The following EPHA5 variants were observed in gnomAD, a reference collection of about 807,000 sequenced individuals.
The protein encoded by EPHA5 is EPH receptor A5.
Under a neutral mutation model 105.0 loss-of-function variants are expected in EPHA5, and 60 were observed. That is an observed-to-expected ratio of 0.57 (90% CI 0.46 to 0.71). EPHA5 has a LOEUF of 0.71. Ranked by LOEUF, EPHA5 falls within the 30% of genes least tolerant of loss-of-function variation. EPHA5 has a pLI of 0.00. For synonymous variants in EPHA5, 513 were observed against 449.1 expected, an observed-to-expected ratio of 1.14 and a Z score of -1.80; for missense variants, 1,218 against 1,274.7, an observed-to-expected ratio of 0.96 and a Z score of 0.68.
chr4:65,353,131 T>C, intron 11 of EPHA5, 28 bp from the exon 12 acceptor site: 3 of 1,440,684 alleles, frequency 2.1e-6, no homozygotes, highest in Non-Finnish European at 2.8e-6. Flanking sequence ...TGATATAACC[T>C]GCTGCTCTTC....
intron 3 of EPHA5, among the ~76,000 whole-genome samples, chr4:65,570,359 C>T (rs1014904521): frequency 6.6e-6 from 1 of 151,714 alleles, no homozygotes; most frequent in Non-Finnish European, 1.5e-5. Flanking sequence ...GAGGTAGCAT[C>T]TTCTTTCTGA....
At chr4:65,487,463 A>G (rs1730987810) in intron 5 of EPHA5, among the ~76,000 whole-genome samples, 1 of 152,182 alleles carries the variant, frequency 6.6e-6, no homozygotes, top group Admixed American at 6.5e-5. Context: ...GGGGTCATGC[A>G]GCCAGAATCC....
intron 5 of EPHA5, among the ~76,000 whole-genome samples, chr4:65,435,856 A>C (rs1311842823): frequency 1.3e-5 from 2 of 152,136 alleles, no homozygotes; most frequent in African/African-American, 4.8e-5. Context: ...TGGTGGATTC[A>C]ATTATCTGAC....
intron 5 of EPHA5, among the ~76,000 whole-genome samples, chr4:65,455,000 C>T (rs1289305292): frequency 6.6e-6 from 1 of 152,252 alleles, no homozygotes; most frequent in Non-Finnish European, 1.5e-5. Flanking sequence ...AATCCCAGCA[C>T]TTTGGGAGGC....
At chr4:65,429,072 T>G (rs1488021717) in intron 5 of EPHA5, among the ~76,000 whole-genome samples, 2 of 152,024 alleles carry the variant, frequency 1.3e-5, no homozygotes, top group African/African-American at 4.8e-5. Context: ...GAATTTTTAA[T>G]ACACGAAGAG....
At chr4:65,648,595 T>G (rs1748331815) in intron 1 of EPHA5, among the ~76,000 whole-genome samples, 1 of 152,224 alleles carries the variant, frequency 6.6e-6, no homozygotes, top group Non-Finnish European at 1.5e-5. Context: ...AAACCTCCGC[T>G]ACAGTATGAA....
Position 65,490,559 on chromosome 4 carries a change from T to C in EPHA5, c.1220A>G (p.Glu407Gly), listed in dbSNP as rs2149213488. 6.2e-7 allele frequency: 1 copy of C among 1,614,076 alleles called. No individual in the cohort carries two copies. The highest frequency in any genetic ancestry group is 8.5e-7 in the Non-Finnish European group (1 of 1,180,016). Residue 407 changes from glutamate to glycine, a missense_variant, in exon 5 of 17, where the codon GAG becomes GGG. This residue lies in a region of EPHA5 where 971 missense variants were observed against 1,013.5 expected (regional missense o/e 0.96). Transcript: ENST00000613740. ...KCNSHAGVCE[E>G]CGGHVRYLPR... ...AAGGTACCTGACATGACCGCCACAC[T>C]CCTCACACACACCTGCATGGGAGTT...
At chr4:65,345,007 G>A (rs1365568751) in intron 14 of EPHA5, among the ~76,000 whole-genome samples, 1 of 151,948 alleles carries the variant, frequency 6.6e-6, no homozygotes, top group Admixed American at 6.6e-5. Context: ...TTTCTGTGAT[G>A]GTAAATAAGT....
At chr4:65,399,072 G>C (rs956110974) in intron 8 of EPHA5, among the ~76,000 whole-genome samples, 1 of 152,146 alleles carries the variant, frequency 6.6e-6, no homozygotes, top group Non-Finnish European at 1.5e-5. Context: ...CCTTTGGGGA[G>C]CCCAGACCTA....
At chr4:65,665,068 A>G (rs1472149038) in intron 1 of EPHA5, among the ~76,000 whole-genome samples, 1 of 151,998 alleles carries the variant, frequency 6.6e-6, no homozygotes, top group Non-Finnish European at 1.5e-5. Context: ...AGAGTTATCA[A>G]TAATTTGTTC....
At chr4:65,429,031 T>C (rs2149057847) in intron 5 of EPHA5, among the ~76,000 whole-genome samples, 1 of 152,156 alleles carries the variant, frequency 6.6e-6, no homozygotes, top group East Asian at 1.9e-4. Flanking sequence ...GAATGTGTTT[T>C]CCATTCATTA....
intron 5 of EPHA5, among the ~76,000 whole-genome samples, chr4:65,481,010 A>T (rs879384547): frequency 2.6e-5 from 4 of 152,160 alleles, no homozygotes; most frequent in Admixed American, 2.0e-4. Context: ...TGGCAATCTG[A>T]CAACTTCTGG....
chr4:65,423,910 T>C (rs1724172355), intron 5 of EPHA5, among the ~76,000 whole-genome samples: 1 of 151,990 alleles, frequency 6.6e-6, no homozygotes. Context: ...AATGTGTATA[T>C]TAACTTGTGT....
chr4:65,507,777 G>C (rs1174185615), intron 3 of EPHA5, among the ~76,000 whole-genome samples: 1 of 151,924 alleles, frequency 6.6e-6, no homozygotes. Context: ...GAGATGATGG[G>C]GTTTTATAGA....
chr4:65,342,678 A>ATG (rs1721844787), intron 14 of EPHA5, among the ~76,000 whole-genome samples: 3 of 151,722 alleles, frequency 2.0e-5, no homozygotes, highest in Admixed American at 1.3e-4. Context: ...ACATCAACAT[A>ATG]TACAATATAC....
chr4:65,406,795 C>T (rs1180733070), intron 7 of EPHA5, among the ~76,000 whole-genome samples: 1 of 151,814 alleles, frequency 6.6e-6, no homozygotes, highest in Admixed American at 6.6e-5. Context: ...TAAAATTGGC[C>T]CTTATACCAC....
At chr4:65,594,948 G>T (rs983215467) in intron 3 of EPHA5, among the ~76,000 whole-genome samples, 4 of 151,978 alleles carry the variant, frequency 2.6e-5, no homozygotes, top group Non-Finnish European at 5.9e-5. Context: ...GTAAGTTCAG[G>T]AATCATCAGG....
At chr4:65,591,606 T>TTTA (rs1171979371) in intron 3 of EPHA5, among the ~76,000 whole-genome samples, 181 of 149,708 alleles carry the variant, frequency 1.2e-3, no homozygotes, top group South Asian at 1.7e-3. Context: ...TTAATTTTAT[T>TTTA]TTTTTTAAAA....
intron 5 of EPHA5, among the ~76,000 whole-genome samples, chr4:65,476,438 T>C (rs1324566609): frequency 6.6e-6 from 1 of 152,146 alleles, no homozygotes; most frequent in African/African-American, 2.4e-5. Flanking sequence ...TGCAGCAATA[T>C]GAATGTAGGT....
Sources: allele counts gnomAD v4.1 joint callset (sites outside exome capture counted in the v4.1 genomes callset), GRCh38; gene constraint gnomAD v4.1.1; regional missense constraint gnomAD v4.1.1; transcripts MANE v1.5; gene names NCBI Gene and HGNC (gene_info 2026-07-23, HGNC 2026-07-21).